VPS13A: variants seen among roughly 807,000 people sequenced by gnomAD.
VPS13A encodes the protein intermembrane lipid transfer protein VPS13A.
In VPS13A, 264 loss-of-function variants were observed where a neutral mutation model predicts 390.9. That is an observed-to-expected ratio of 0.68 (90% CI 0.61 to 0.75). The LOEUF (loss-of-function observed/expected upper bound fraction) is 0.75, where lower values mean the gene tolerates loss of function less well. Among genes scored for constraint, VPS13A ranks in the 30% least tolerant of loss-of-function variants. VPS13A has a pLI of 0.00. For synonymous variants in VPS13A, 1,231 were observed against 1,227.1 expected (o/e 1.00, Z -0.07); for missense variants, 3,409 against 3,733.9 (o/e 0.91, Z 2.27).
chr9:77,207,658 C>G (rs1003728771), intron 5 of VPS13A, among the ~76,000 whole-genome samples: 2 of 151,884 alleles, frequency 1.3e-5, no homozygotes, highest in African/African-American at 2.4e-5. Flanking sequence ...TAAAATAAAC[C>G]CTTGTGTTCT....
intron 22 of VPS13A, among the ~76,000 whole-genome samples, chr9:77,252,776 C>T (rs1825217138): frequency 6.6e-6 from 1 of 152,174 alleles, no homozygotes; most frequent in African/African-American, 2.4e-5. Context: ...CTTCACTTAG[C>T]ATAATGTCTT....
chr9:77,382,164 A>G (rs553815489), intron 68 of VPS13A, 77 bp downstream of exon 68: 3 of 1,341,302 alleles, frequency 2.2e-6, no homozygotes, highest in East Asian at 2.6e-5. Context: ...TTTAATATAT[A>G]TTAAATTATT....
intron 45 of VPS13A, among the ~76,000 whole-genome samples, chr9:77,325,716 C>T (rs189014281): frequency 6.6e-6 from 1 of 151,974 alleles, no homozygotes; most frequent in African/African-American, 2.4e-5. Context: ...ATTAGTCTAC[C>T]TTCAAGTAGT....
Position 77,225,360 on chromosome 9 carries a change from C to T in VPS13A, c.1162-566C>T, listed in dbSNP as rs143719951. Among the ~76,000 whole-genome samples the T allele has an allele frequency of 5.7e-3, 873 of 152,256 alleles. 12 individuals are homozygous for T. Among genetic ancestry groups the T allele is most frequent in the African/African-American group, 0.02 (842 of 41,558 alleles). ...TGACCCCTCAGACTTAAGCTGTCCT[C>T]TCATCTCAGCCTCTTAAGTAGCTCG... On this transcript the variant is annotated intron_variant, in intron 13 of 71. Coordinates refer to ENST00000360280, the MANE Select transcript of VPS13A (RefSeq NM_033305.3).
intron 47 of VPS13A, chr9:77,339,259 T>G (rs936830959): frequency 1.8e-5 from 8 of 452,506 alleles, no homozygotes; most frequent in Non-Finnish European, 3.1e-5. Context: ...ATTATGTTAT[T>G]TAATCTTCAC....
In VPS13A at chr9:77,351,315, A is replaced by C; in HGVS notation, c.7290-2A>C. 6.2e-7 allele frequency: 1 copy of C among 1,613,194 alleles called. No homozygotes were observed. The highest frequency in any genetic ancestry group is 8.5e-7 in the Non-Finnish European group (1 of 1,179,406). Reference sequence around the variant, plus strand: ...TAACGCGTATTTTTGCTACTGTGTCAGTTCTCTCAGTGAAATAGAAGATTC... The same window carrying C: ...TAACGCGTATTTTTGCTACTGTGTCCGTTCTCTCAGTGAAATAGAAGATTC... On this transcript the variant is annotated splice_acceptor_variant, in intron 52 of 71. Coordinates refer to ENST00000360280, the MANE Select transcript of VPS13A (RefSeq NM_033305.3). LOFTEE classifies it high-confidence loss of function.
chr9:77,207,156 C>T (rs1460471627), intron 5 of VPS13A, among the ~76,000 whole-genome samples: 10 of 136,814 alleles, frequency 7.3e-5, no homozygotes, highest in South Asian at 4.6e-4. Context: ...GGCCCAGGCC[C>T]GCACCTATAT....
At chr9:77,380,149 A>T (rs762890986) in intron 67 of VPS13A, among the ~76,000 whole-genome samples, 1 of 151,846 alleles carries the variant, frequency 6.6e-6, no homozygotes, top group Non-Finnish European at 1.5e-5. Context: ...TTTTTCTGAC[A>T]TTAGCATGGC....
chr9:77,385,702 T>C (rs113131462), intron 68 of VPS13A, among the ~76,000 whole-genome samples: 14 of 152,238 alleles, frequency 9.2e-5, no homozygotes, highest in African/African-American at 3.4e-4. Context: ...TTAATCCCTA[T>C]GACTGCTGTG....
chr9:77,224,282 T>G (rs1026038418), intron 13 of VPS13A, among the ~76,000 whole-genome samples: 11 of 152,176 alleles, frequency 7.2e-5, no homozygotes, highest in African/African-American at 2.2e-4. Context: ...ATTTTAACTT[T>G]CAAGTCTTAT....
chr9:77,396,881 T>C (rs1834138725), intron 68 of VPS13A, among the ~76,000 whole-genome samples: 1 of 152,236 alleles, frequency 6.6e-6, no homozygotes, highest in African/African-American at 2.4e-5. Flanking sequence ...GCTTCCTCTT[T>C]CCCACTCATC....
intron 68 of VPS13A, among the ~76,000 whole-genome samples, chr9:77,399,181 TAAAAAAAAA>T (rs1223344360): frequency 2.9e-5 from 1 of 34,966 alleles, no homozygotes; most frequent in Non-Finnish European, 6.1e-5. Flanking sequence ...AAAAAAAAAA[TAAAAAAAAA>T]AAAAAAAAAA....
Position 77,207,243 on chromosome 9 carries a change from A to ATGTG in VPS13A, c.385+1165_385+1166insGTGT, listed in dbSNP as rs1564630398. ...TATATATATATATATATATATATAT[A>ATGTG]TATATATATAAAACGTGTTATATGT... On this transcript the variant is annotated intron_variant, in intron 5 of 71. Transcript: ENST00000360280. 4.8e-5 allele frequency among the ~76,000 whole-genome samples: 5 copies of ATGTG among 103,220 alleles called. No homozygotes were observed. In the South Asian group the frequency reaches 9.7e-4, roughly 20 times the overall value. 67.7% of individuals were successfully genotyped at this position (103,220 alleles called of 152,430 possible). A position where few individuals can be genotyped will look rare whatever the true frequency, so the allele number is the denominator to read the frequency against.
intron 24 of VPS13A, among the ~76,000 whole-genome samples, chr9:77,274,382 C>T (rs61163027): frequency 0.016 from 2,321 of 144,318 alleles, 42 homozygotes; most frequent in African/African-American, 0.043. Context: ...GAGCAGAGAT[C>T]GTGCCACTGT....
At chr9:77,370,975 T>A (rs749015550) in intron 66 of VPS13A, 40 bp downstream of exon 66, 5 of 1,614,188 alleles carry the variant, frequency 3.1e-6, no homozygotes, top group Non-Finnish European at 2.5e-6. Flanking sequence ...TCTAAGTTGA[T>A]TCTGTTTTCA....
chr9:77,183,988 G>A (rs895730208), intron 1 of VPS13A, among the ~76,000 whole-genome samples: 1 of 152,192 alleles, frequency 6.6e-6, no homozygotes, highest in Non-Finnish European at 1.5e-5. Context: ...TTCAGAATAA[G>A]TTGTAGAGAT....
rs119477052 is a variant in VPS13A, at chr9:77,205,394, T to C, written c.269T>C (p.Ile90Thr). The change falls in exon 4 of 72, where the codon ATA becomes ACA. Residue 90 changes from isoleucine (I) to threonine (T), a missense_variant. Physicochemically the swap from Ile to Thr is moderately conservative, Grantham distance 89. Transcript: ENST00000360280. The stretch of plus-strand genomic sequence containing the variant: ...GTATTGGAAGAAATTTATTTACTTA[T>C]AGTGCCTTCTTCTAGTAAGTTAAAT... ...EAVLEEIYLL[I>T]VPSSRIKYDP... is the part of the protein sequence containing the mutation. 11 of 1,435,886 alleles carry C rather than the reference T, an allele frequency of 7.7e-6. No homozygotes were observed. In the East Asian group the frequency reaches 1.2e-4, roughly 16 times the overall value. The allele number at this position is 1,435,886 out of a possible 1,614,324, so 88.9% of individuals were successfully genotyped here.
intron 27 of VPS13A, 128 bp from the exon 28 acceptor site, chr9:77,281,739 G>GTGTA (rs746901925): frequency 8.1e-6 from 4 of 492,558 alleles, no homozygotes; most frequent in Non-Finnish European, 1.1e-5. Flanking sequence ...GTGTATATGT[G>GTGTA]TATATATATA....
intron 31 of VPS13A, among the ~76,000 whole-genome samples, chr9:77,290,034 G>A (rs1239346675): frequency 6.6e-6 from 1 of 152,116 alleles, no homozygotes; most frequent in Admixed American, 6.5e-5. Flanking sequence ...CACCCACCTA[G>A]GCCCCCCAGA....
Sources: gnomAD v4.1 joint callset for allele counts (sites outside exome capture counted in the v4.1 genomes callset) on GRCh38, gnomAD v4.1.1 for gene constraint, MANE v1.5 for transcripts, NCBI Gene and HGNC (gene_info 2026-07-23, HGNC 2026-07-21) for gene names.